Variants in YTHDC2 observed in about 807,000 individuals in gnomAD.
The protein encoded by YTHDC2 is YTH N6-methyladenosine RNA binding protein C2, also known as 3'-5' RNA helicase YTHDC2.
In YTHDC2, 45 loss-of-function variants were observed where a neutral mutation model predicts 174.9. The ratio of observed to expected loss-of-function variants is 0.26; its 90% CI spans 0.20 to 0.33. YTHDC2 has a LOEUF of 0.33. Among genes scored for constraint, YTHDC2 ranks in the 10% least tolerant of loss-of-function variants. The probability of loss-of-function intolerance (pLI) is 1.00; values close to 1 mark genes in which losing one functional copy is unlikely to be tolerated. For missense variants in YTHDC2, 1,650 were observed against 1,723.7 expected (o/e 0.96, Z 0.76); for synonymous variants, 657 against 574.5 (o/e 1.14, Z -2.05).
At chr5:113,515,136 A>G (rs1480245367) in intron 1 of YTHDC2, 136 bp from the exon 2 acceptor site, 1 of 500,526 alleles carries the variant, frequency 2.0e-6, no homozygotes, top group Non-Finnish European at 3.5e-6. Context: ...AGAATATGAA[A>G]TATAAAGTTA....
In YTHDC2 at chr5:113,525,049, C is replaced by T. The variant is rs1774120917; in HGVS notation, c.347C>T (p.Thr116Ile). 1.2e-6 allele frequency: 2 copies of T among 1,611,950 alleles called. No homozygotes were observed. Among genetic ancestry groups the T allele is most frequent in the Non-Finnish European group, 1.7e-6 (2 of 1,178,892 alleles). Residue 116 changes from threonine to isoleucine, a missense_variant, in exon 3 of 30, where the codon ACC (threonine) becomes ATC (isoleucine). By Grantham distance (89) the Thr-to-Ile change is moderately conservative. Transcript: ENST00000161863. ...TCAGAAACAGCTCATGCAATGATGACCTGTAATTTGACTCATAATACAAAA... is the reference window on the plus strand; with the variant it reads ...TCAGAAACAGCTCATGCAATGATGATCTGTAATTTGACTCATAATACAAAA... ...DGSETAHAMM[T>I]CNLTHNTKHA...
rs779051341 is a variant in YTHDC2 at position 113,569,345 on chromosome 5, T to G, written c.3244+1496T>G. 5.9e-5 allele frequency among the ~76,000 whole-genome samples: 9 copies of G among 152,214 alleles called. 1 individual carries two copies. The highest frequency in any genetic ancestry group is 1.2e-4 in the Non-Finnish European group (8 of 68,030). On this transcript the variant is annotated intron_variant, in intron 23 of 29. Coordinates refer to ENST00000161863, the MANE Select transcript of YTHDC2 (RefSeq NM_022828.5). ...CTTTTGCTGTGCAGAAACTTTAGTT[T>G]AATTAGATCCCATTTGTCAATTTTT...
At chr5:113,531,965 C>T (rs1774701348) in intron 4 of YTHDC2, among the ~76,000 whole-genome samples, 1 of 152,106 alleles carries the variant, frequency 6.6e-6, no homozygotes, top group Non-Finnish European at 1.5e-5. Flanking sequence ...AGCATTTTCA[C>T]TACTAGTGAT....
At chr5:113,579,718 A>G (rs768009313) in intron 24 of YTHDC2, 23 bp downstream of exon 24, 3 of 1,573,296 alleles carry the variant, frequency 1.9e-6, no homozygotes, top group Non-Finnish European at 1.7e-6. Flanking sequence ...CAAGTAGTGT[A>G]ATAAATTTCT....
At chr5:113,584,231 C>A in intron 25 of YTHDC2, 71 bp from the exon 26 acceptor site, 1 of 1,332,372 alleles carries the variant, frequency 7.5e-7, no homozygotes, top group Non-Finnish European at 1.0e-6. Flanking sequence ...GTATTATAAA[C>A]TTATACATAA....
At chr5:113,565,785 A>C in intron 20 of YTHDC2, 108 bp from the exon 21 acceptor site, 1 of 1,150,926 alleles carries the variant, frequency 8.7e-7, no homozygotes, top group Non-Finnish European at 1.2e-6. Context: ...AATTAGAATA[A>C]GGCAAATTCA....
At chr5:113,590,339 C>A (rs1241611252) in intron 26 of YTHDC2, among the ~76,000 whole-genome samples, 4 of 152,190 alleles carry the variant, frequency 2.6e-5, no homozygotes. Context: ...AAGGTATGGC[C>A]CTTCTGTGGG....
chr5:113,561,957 G>GGGGTGTGTGTGT (rs1554099023), intron 18 of YTHDC2, among the ~76,000 whole-genome samples: 8 of 134,962 alleles, frequency 5.9e-5, no homozygotes, highest in South Asian at 2.4e-4. Flanking sequence ...ATTAATTGTG[G>GGGGTGTGTGTGT]GTGTGTGTGT....
Position 113,535,793 on chromosome 5 carries a change from T to C in YTHDC2, c.1097T>C (p.Ile366Thr), listed in dbSNP as rs1216102553. ...AGATATTTTGGAAGTTGTCCAGTGA[T>C]ATATAGTAAGTTAAATTGTCAGATT... ...FIRYFGSCPV[I>T]YIQGRPFEVK... The change falls in exon 7 of 30, where the codon ATA (isoleucine) becomes ACA (threonine). Residue 366 changes from isoleucine to threonine, a missense_variant. By Grantham distance (89) the Ile-to-Thr change is moderately conservative. Coordinates refer to ENST00000161863, the MANE Select transcript of YTHDC2 (RefSeq NM_022828.5). 2 of 1,585,790 alleles carry C rather than the reference T, an allele frequency of 1.3e-6. No homozygotes were observed. Among genetic ancestry groups the C allele is most frequent in the South Asian group, 1.2e-5 (1 of 86,190 alleles).
chr5:113,555,995 C>G, intron 16 of YTHDC2, 57 bp from the exon 17 acceptor site: 1 of 1,045,358 alleles, frequency 9.6e-7, no homozygotes, highest in Admixed American at 2.0e-5. Flanking sequence ...AACATTCTTG[C>G]TATTACCTTT....
At chr5:113,518,414 A>G (rs1442580959) in intron 2 of YTHDC2, among the ~76,000 whole-genome samples, 2 of 150,832 alleles carry the variant, frequency 1.3e-5, no homozygotes, top group Middle Eastern at 3.4e-3. Flanking sequence ...GTTGCTCAGG[A>G]TGGTCTTGAA....
chr5:113,534,178 T>C (rs1266836196), intron 5 of YTHDC2, 127 bp from the exon 6 acceptor site: 1 of 609,296 alleles, frequency 1.6e-6, no homozygotes, highest in Non-Finnish European at 2.8e-6. Flanking sequence ...ACTAATAAAC[T>C]GTACATACCG....
chr5:113,531,648 T>G (rs1224675396), intron 4 of YTHDC2, among the ~76,000 whole-genome samples: 2 of 152,118 alleles, frequency 1.3e-5, no homozygotes, highest in African/African-American at 4.8e-5. Flanking sequence ...ATTTTACAAT[T>G]TCTCTCATCA....
chr5:113,584,499 A>C lies in YTHDC2; in HGVS notation c.3825+20A>C. 1 of 1,582,376 alleles carries C rather than the reference A, an allele frequency of 6.3e-7. No homozygotes were observed. The highest frequency in any genetic ancestry group is 8.6e-7 in the Non-Finnish European group (1 of 1,160,698). On this transcript the variant is annotated intron_variant, in intron 26 of 29. Transcript: ENST00000161863. Reference sequence around the variant, plus strand: ...GGAAAGGTAAGAGTATCTGAAAGAAAATGTAGTAAGGAACAGATTTGTAGC... The same window carrying C: ...GGAAAGGTAAGAGTATCTGAAAGAACATGTAGTAAGGAACAGATTTGTAGC...
chr5:113,527,367 T>C lies in YTHDC2; in HGVS notation c.675+582T>C, dbSNP rs147467973. ...TTTTTAGAATCAAAGTACCTCCTTA[T>C]GAAGTTTTACTCATAGGATAACAGA... On this transcript the variant is annotated intron_variant, in intron 4 of 29. Coordinates refer to ENST00000161863, the MANE Select transcript of YTHDC2 (RefSeq NM_022828.5). Among the ~76,000 whole-genome samples the C allele has an allele frequency of 1.5e-3, 233 of 152,350 alleles. 7 individuals carry two copies. The East Asian group carries it at 0.037, about 24-fold the overall frequency.
At chr5:113,531,387 G>A (rs1393657288) in intron 4 of YTHDC2, among the ~76,000 whole-genome samples, 1 of 152,054 alleles carries the variant, frequency 6.6e-6, no homozygotes, top group Non-Finnish European at 1.5e-5. Context: ...ATTCAGTATA[G>A]ATTAAATGAC....
chr5:113,532,657 T>C (rs191398466), intron 4 of YTHDC2, among the ~76,000 whole-genome samples: 137 of 152,326 alleles, frequency 9.0e-4, no homozygotes, highest in Non-Finnish European at 1.7e-3. Context: ...TATTCCTGGA[T>C]ATATTTGATT....
At chr5:113,520,407 T>C (rs1317720622) in intron 2 of YTHDC2, among the ~76,000 whole-genome samples, 2 of 152,158 alleles carry the variant, frequency 1.3e-5, no homozygotes, top group Non-Finnish European at 2.9e-5. Flanking sequence ...CTTATGATCA[T>C]AGATGTAATA....
chr5:113,543,160 AC>A, intron 10 of YTHDC2, among the ~76,000 whole-genome samples: 1 of 152,122 alleles, frequency 6.6e-6, no homozygotes, highest in South Asian at 2.1e-4. Context: ...GACCTCATCT[AC>A]CCCCAGATTT....
Sources: gnomAD v4.1 joint callset for allele counts (sites outside exome capture counted in the v4.1 genomes callset) on GRCh38, gnomAD v4.1.1 for gene constraint, MANE v1.5 for transcripts, NCBI Gene and HGNC (gene_info 2026-07-23, HGNC 2026-07-21) for gene names.